TBXAS1: variants seen among roughly 807,000 people sequenced by gnomAD.
TBXAS1 encodes the protein thromboxane-A synthase.
Under a neutral mutation model 60.7 loss-of-function variants are expected in TBXAS1, and 48 were observed. The ratio of observed to expected loss-of-function variants is 0.79; its 90% confidence interval spans 0.63 to 1.01. TBXAS1 has a LOEUF of 1.01. Ranked by LOEUF, TBXAS1 falls within the 50% of genes least tolerant of loss-of-function variation. TBXAS1 has a pLI of 0.00. For missense variants in TBXAS1, 685 were observed against 686.3 expected, an observed-to-expected ratio of 1.00 and a Z score of 0.02; for synonymous variants, 287 against 269.7, an observed-to-expected ratio of 1.06 and a Z score of -0.63.
intron 4 of TBXAS1, among the ~76,000 whole-genome samples, chr7:139,920,894 G>C (rs142060609): frequency 1.3e-5 from 2 of 152,120 alleles, no homozygotes; most frequent in Non-Finnish European, 2.9e-5. Flanking sequence ...CCCGACAAGC[G>C]TGTGCTCAAT....
At chr7:139,842,748 G>C (rs1799541459) in intron 1 of TBXAS1, among the ~76,000 whole-genome samples, 1 of 152,230 alleles carries the variant, frequency 6.6e-6, no homozygotes, top group African/African-American at 2.4e-5. Context: ...TCAGCCCTCA[G>C]TGCAGAGTTT....
chr7:139,868,467 A>G (rs940972744), intron 1 of TBXAS1, among the ~76,000 whole-genome samples: 4 of 150,980 alleles, frequency 2.6e-5, no homozygotes, highest in Non-Finnish European at 5.9e-5. Context: ...TCCAGAATTT[A>G]TTTATTTATT....
intron 3 of TBXAS1, among the ~76,000 whole-genome samples, chr7:139,878,382 T>C (rs748585038): frequency 2.0e-5 from 3 of 152,200 alleles, no homozygotes; most frequent in Admixed American, 6.5e-5. Flanking sequence ...TAGAGAATGA[T>C]TTCAAATGAG....
At chr7:139,882,592 C>A (rs896881085) in intron 3 of TBXAS1, among the ~76,000 whole-genome samples, 3 of 152,098 alleles carry the variant, frequency 2.0e-5, no homozygotes, top group Admixed American at 6.5e-5. Flanking sequence ...AAATGTGGCT[C>A]AATTCTAAGA....
At position 139,962,077 on chromosome 7, in the gene TBXAS1, G is replaced by A. The variant is rs749775422; in HGVS notation, c.978G>A (p.Leu326=). 84 of 1,614,076 alleles carry A rather than the reference G, an allele frequency of 5.2e-5. No homozygotes were observed. The highest frequency in any genetic ancestry group is 6.9e-5 in the Non-Finnish European group (81 of 1,180,028). Residue 326 remains leucine, a synonymous_variant, in exon 9 of 13, where the codon TTG becomes TTA. Transcript: ENST00000448866. ...AGCCCAGCCCTATGGCCAGGCCTTT[G>A]ACTGTGGATGAGATTGTGGGCCAGG... ...QHQPSPMARP[L]TVDEIVGQAF... is the part of the protein sequence containing the mutation.
intron 3 of TBXAS1, chr7:139,906,050 G>T (rs1262924812): frequency 1.1e-5 from 4 of 368,932 alleles, no homozygotes; most frequent in Non-Finnish European, 2.1e-5. Context: ...TTTGCCTATG[G>T]ATGCCAATTA....
chr7:139,830,538 A>T (rs374290019), intron 1 of TBXAS1, among the ~76,000 whole-genome samples: 2 of 150,446 alleles, frequency 1.3e-5, no homozygotes, highest in East Asian at 2.0e-4. Flanking sequence ...AACTGGTTTA[A>T]TTTTTTTTTT....
At chr7:139,936,756 T>C (rs1036393907) in intron 5 of TBXAS1, among the ~76,000 whole-genome samples, 1 of 152,304 alleles carries the variant, frequency 6.6e-6, no homozygotes, top group Non-Finnish European at 1.5e-5. Flanking sequence ...TACTGGACAA[T>C]GAACCACACT....
At chr7:140,009,594 C>A (rs1329329362) in intron 10 of TBXAS1, among the ~76,000 whole-genome samples, 2 of 137,762 alleles carry the variant, frequency 1.5e-5, no homozygotes, top group Admixed American at 1.5e-4. Context: ...CTTCCCCACA[C>A]CCACCCCACA....
intron 3 of TBXAS1, among the ~76,000 whole-genome samples, chr7:139,879,864 GTGTGTGTGTGT>G (rs1802554071): frequency 6.9e-6 from 1 of 144,936 alleles, no homozygotes; most frequent in Admixed American, 6.8e-5. Context: ...GTGTGTGTGT[GTGTGTGTGTGT>G]GTGTTTTGTT....
intron 1 of TBXAS1, among the ~76,000 whole-genome samples, chr7:139,860,137 AAAC>A (rs943521604): frequency 2.0e-5 from 3 of 152,154 alleles, no homozygotes; most frequent in Non-Finnish European, 2.9e-5. Flanking sequence ...TCTGTCTCAA[AAAC>A]AACAACAACA....
chr7:139,871,898 GA>G (rs766967669), intron 1 of TBXAS1, among the ~76,000 whole-genome samples: 4 of 152,180 alleles, frequency 2.6e-5, no homozygotes, highest in Non-Finnish European at 5.9e-5. Context: ...AGAGGCAAAG[GA>G]AAGGAATTGG....
chr7:139,865,210 T>C (rs373316712), intron 1 of TBXAS1, among the ~76,000 whole-genome samples: 3 of 152,242 alleles, frequency 2.0e-5, no homozygotes, highest in South Asian at 4.1e-4. Flanking sequence ...CGAGAAGATC[T>C]CACGTGTAAA....
chr7:139,893,231 T>C (rs1363339067), intron 3 of TBXAS1, among the ~76,000 whole-genome samples: 1 of 152,002 alleles, frequency 6.6e-6, no homozygotes, highest in African/African-American at 2.4e-5. Context: ...TCCCAGACCG[T>C]GTATTCCTGT....
chr7:139,926,116 T>C (rs186598955), intron 4 of TBXAS1, among the ~76,000 whole-genome samples: 3 of 152,310 alleles, frequency 2.0e-5, no homozygotes, highest in Non-Finnish European at 4.4e-5. Flanking sequence ...TTTTGTTTTG[T>C]TTGATGTGAC....
chr7:139,940,317 C>T (rs1188936331), intron 5 of TBXAS1, among the ~76,000 whole-genome samples: 1 of 152,132 alleles, frequency 6.6e-6, no homozygotes, highest in Non-Finnish European at 1.5e-5. Flanking sequence ...TGGATGCTTC[C>T]TCAAACTTTA....
chr7:139,964,365 G>A (rs531921374), intron 9 of TBXAS1, among the ~76,000 whole-genome samples: 7 of 152,246 alleles, frequency 4.6e-5, no homozygotes, highest in East Asian at 3.9e-4. Flanking sequence ...GATTACAGGC[G>A]TAAGCCACCA....
At position 139,893,821 on chromosome 7, in the gene TBXAS1, T is replaced by C. The variant is rs181164234; in HGVS notation, c.237-17404T>C. Among the ~76,000 whole-genome samples the C allele has an allele frequency of 1.2e-3, 185 of 152,384 alleles. 1 individual carries two copies. The highest frequency in any genetic ancestry group is 4.2e-3 in the African/African-American group (174 of 41,588). On this transcript the variant is annotated intron_variant, in intron 3 of 12. Coordinates refer to ENST00000448866, the MANE Select transcript of TBXAS1 (RefSeq NM_001061.7). ...TGCCTGTCCCCCTCTGGGGACTAAG[T>C]TTTATTAACTGAATAAATTAGATGG...
At chr7:139,840,413 G>T (rs1204695915) in intron 1 of TBXAS1, among the ~76,000 whole-genome samples, 2 of 152,200 alleles carry the variant, frequency 1.3e-5, no homozygotes, top group Middle Eastern at 3.2e-3. Context: ...AGGAAATTAA[G>T]TCTAAATCAA....
Sources: allele counts gnomAD v4.1 joint callset (sites outside exome capture counted in the v4.1 genomes callset), GRCh38; gene constraint gnomAD v4.1.1; transcripts MANE v1.5; gene names NCBI Gene and HGNC (gene_info 2026-07-23, HGNC 2026-07-21).